DLGAP2: variants seen among roughly 807,000 people sequenced by gnomAD.
DLGAP2 encodes DLG associated protein 2, also known as disks large-associated protein 2.
DLGAP2 carries 26 observed loss-of-function variants against 100.3 expected under a neutral mutation model. That is an observed-to-expected ratio of 0.26 (90% CI 0.19 to 0.36). The LOEUF is 0.36. Among genes scored for constraint, DLGAP2 ranks in the 10% least tolerant of loss-of-function variants. The probability of loss-of-function intolerance (pLI) is 1.00; values close to 1 mark genes in which losing one functional copy is unlikely to be tolerated. For synonymous variants in DLGAP2, 886 were observed against 630.1 expected (o/e 1.41, Z -6.08); for missense variants, 1,858 against 1,453.2 (o/e 1.28, Z -4.53).
intron 3 of DLGAP2, among the ~76,000 whole-genome samples, chr8:1,428,848 C>G (rs1297498015): frequency 1.3e-5 from 2 of 152,210 alleles, no homozygotes; most frequent in African/African-American, 2.4e-5. Flanking sequence ...CGGTCTACAT[C>G]CAGCTGCTCA....
chr8:1,076,639 C>A (rs1459741900), intron 2 of DLGAP2, among the ~76,000 whole-genome samples: 4 of 152,320 alleles, frequency 2.6e-5, no homozygotes, highest in African/African-American at 9.6e-5. Context: ...GTCTCCTTCC[C>A]AGCAGTTGGC....
intron 4 of DLGAP2, among the ~76,000 whole-genome samples, chr8:1,542,708 A>G (rs891029475): frequency 6.6e-6 from 1 of 152,132 alleles, no homozygotes; most frequent in Non-Finnish European, 1.5e-5. Context: ...GCATTCTTAC[A>G]CAGGCTTTTG....
intron 3 of DLGAP2, among the ~76,000 whole-genome samples, chr8:1,298,313 G>C (rs188560511): frequency 6.6e-6 from 1 of 152,130 alleles, no homozygotes; most frequent in South Asian, 2.1e-4. Context: ...AAATGCGTCC[G>C]CTTCCTGGTC....
intron 1 of DLGAP2, among the ~76,000 whole-genome samples, chr8:903,735 A>C (rs951164599): frequency 1.3e-5 from 2 of 152,098 alleles, no homozygotes; most frequent in Non-Finnish European, 2.9e-5. Flanking sequence ...GTCTCCCAAA[A>C]AGTGTGTGAT....
chr8:1,453,467 G>A (rs1383605354), intron 3 of DLGAP2, among the ~76,000 whole-genome samples: 3 of 152,154 alleles, frequency 2.0e-5, no homozygotes, highest in East Asian at 1.9e-4. Context: ...AGAGAGAACG[G>A]AGTGTATGCT....
intron 1 of DLGAP2, among the ~76,000 whole-genome samples, chr8:833,212 C>A (rs961246401): frequency 4.6e-5 from 7 of 152,232 alleles, no homozygotes; most frequent in African/African-American, 1.7e-4. Flanking sequence ...ATTCCTAAGA[C>A]TTTGGGAAGG....
intron 3 of DLGAP2, among the ~76,000 whole-genome samples, chr8:1,460,431 C>T (rs1350917451): frequency 6.6e-6 from 1 of 152,196 alleles, no homozygotes; most frequent in East Asian, 1.9e-4. Flanking sequence ...TCGTCCTCAA[C>T]ACAACCCCTT....
chr8:1,342,104 C>T (rs1416191083), intron 3 of DLGAP2, among the ~76,000 whole-genome samples: 5 of 152,020 alleles, frequency 3.3e-5, no homozygotes, highest in Non-Finnish European at 7.4e-5. Context: ...GCAGGTGCCC[C>T]TACCCCCAGC....
intron 3 of DLGAP2, among the ~76,000 whole-genome samples, chr8:1,485,879 C>G (rs879398944): frequency 2.2e-4 from 34 of 152,136 alleles, no homozygotes; most frequent in Admixed American, 2.0e-3. Flanking sequence ...CAAAAATTAG[C>G]TGGGTGTGGT....
intron 2 of DLGAP2, among the ~76,000 whole-genome samples, chr8:994,169 T>C (rs1800718111): frequency 6.6e-6 from 1 of 152,050 alleles, no homozygotes; most frequent in Admixed American, 6.5e-5. Context: ...TAGATAGAAA[T>C]TATTTTGACC....
chr8:949,809 C>A (rs1444608794), intron 2 of DLGAP2, among the ~76,000 whole-genome samples: 1 of 152,120 alleles, frequency 6.6e-6, no homozygotes, highest in Non-Finnish European at 1.5e-5. Context: ...GCAGGTCACG[C>A]GGGCCCTCCA....
At chr8:843,697 G>C (rs1271351422) in intron 1 of DLGAP2, among the ~76,000 whole-genome samples, 1 of 152,196 alleles carries the variant, frequency 6.6e-6, no homozygotes, top group African/African-American at 2.4e-5. Flanking sequence ...TGTGATGTGT[G>C]ATATGATTGG....
At chr8:1,111,527 G>T (rs186149808) in intron 2 of DLGAP2, among the ~76,000 whole-genome samples, 266 of 152,182 alleles carry the variant, frequency 1.7e-3, no homozygotes, top group African/African-American at 6.2e-3. Flanking sequence ...CTACTCAATA[G>T]TTATATTTCA....
chr8:1,517,658 G>A (rs10087292), intron 4 of DLGAP2, among the ~76,000 whole-genome samples: 66,171 of 152,004 alleles, frequency 0.44, 15,108 homozygotes, highest in South Asian at 0.69. Context: ...ACAGCAGAAG[G>A]GCCTCCCGTT....
At chr8:1,506,206 C>A (rs1284938908) in intron 4 of DLGAP2, among the ~76,000 whole-genome samples, 1 of 152,144 alleles carries the variant, frequency 6.6e-6, no homozygotes, top group Non-Finnish European at 1.5e-5. Flanking sequence ...ACAGGAATTC[C>A]CCTTGGGATG....
intron 2 of DLGAP2, among the ~76,000 whole-genome samples, chr8:1,084,989 C>T (rs1056606153): frequency 2.6e-5 from 4 of 152,186 alleles, no homozygotes; most frequent in East Asian, 3.9e-4. Context: ...CCACTAACAG[C>T]GAACAGGGTT....
chr8:1,127,651 C>G (rs1448881629), intron 2 of DLGAP2, among the ~76,000 whole-genome samples: 1 of 152,228 alleles, frequency 6.6e-6, no homozygotes, highest in Non-Finnish European at 1.5e-5. Flanking sequence ...CCTCCTTTCC[C>G]TGTCCCTGTG....
chr8:1,604,479 C>T (rs1461834763), intron 6 of DLGAP2: 2 of 152,070 alleles, frequency 1.3e-5, no homozygotes, highest in African/African-American at 4.8e-5. Flanking sequence ...GGATTTGGGG[C>T]TGACCTCACC....
chr8:1,200,497 C>T (rs1182259484), intron 2 of DLGAP2, among the ~76,000 whole-genome samples: 2 of 152,140 alleles, frequency 1.3e-5, no homozygotes, highest in Admixed American at 6.5e-5. Context: ...TCGTGCTCCT[C>T]GGGGGCTGAA....
Sources: gnomAD v4.1 joint callset for allele counts (sites outside exome capture counted in the v4.1 genomes callset) on GRCh38, gnomAD v4.1.1 for gene constraint, MANE v1.5 for transcripts, NCBI Gene and HGNC (gene_info 2026-07-23, HGNC 2026-07-21) for gene names.